The following LAMA2 variants were observed in gnomAD, a reference collection of about 807,000 sequenced individuals.
LAMA2 encodes laminin subunit alpha 2.
Under a neutral mutation model 364.8 loss-of-function variants are expected in LAMA2, and 269 were observed. The observed-to-expected ratio is 0.74, with a 90% CI of 0.67 to 0.82. The LOEUF is 0.82. Ranked by LOEUF, LAMA2 falls within the 40% of genes least tolerant of loss-of-function variation. LAMA2 has a pLI of 0.00. For synonymous variants in LAMA2, 1,379 were observed against 1,370.6 expected (o/e 1.01, Z -0.14); for missense variants, 3,807 against 3,873.2 (o/e 0.98, Z 0.45).
chr6:129,276,693 C>T (rs1188817978), intron 17 of LAMA2, among the ~76,000 whole-genome samples: 1 of 152,060 alleles, frequency 6.6e-6, no homozygotes, highest in Non-Finnish European at 1.5e-5. Flanking sequence ...TGTGAAAAAC[C>T]TCAAAGCCAA....
chr6:129,210,558 C>T (rs1219634875), intron 12 of LAMA2, among the ~76,000 whole-genome samples: 1 of 152,000 alleles, frequency 6.6e-6, no homozygotes, highest in Non-Finnish European at 1.5e-5. Context: ...CAGAATATTG[C>T]GTGAGGATTG....
chr6:129,407,210 C>A (rs1780291673), intron 40 of LAMA2, among the ~76,000 whole-genome samples: 1 of 152,036 alleles, frequency 6.6e-6, no homozygotes, highest in Admixed American at 6.6e-5. Context: ...ACAGAGACAC[C>A]CAGGAACAAT....
chr6:128,977,947 T>C (rs148459238), intron 1 of LAMA2, among the ~76,000 whole-genome samples: 1 of 152,314 alleles, frequency 6.6e-6, no homozygotes, highest in African/African-American at 2.4e-5. Context: ...ATATATACAT[T>C]CTAGCTAAGT....
At chr6:129,136,829 G>A (rs958784043) in intron 4 of LAMA2, among the ~76,000 whole-genome samples, 10 of 152,086 alleles carry the variant, frequency 6.6e-5, no homozygotes, top group Non-Finnish European at 1.5e-4. Flanking sequence ...AGGGACAATT[G>A]GAATCAAGCA....
Position 129,499,264 on chromosome 6 carries a change from ATTT to A in LAMA2, c.8245-3386_8245-3384del, listed in dbSNP as rs986303196. Among the ~76,000 whole-genome samples the A allele has an allele frequency of 3.3e-5, 5 of 149,558 alleles. No homozygotes were observed. In the East Asian group the frequency reaches 7.8e-4, roughly 23 times the overall value. ...TGATGAGCCTCTACTGAGACTGTGA[ATTT>A]TTTTTTTTATTATTATTGTTGTTTT... On this transcript the variant is annotated intron_variant, in intron 58 of 64. Coordinates refer to ENST00000421865, the MANE Select transcript of LAMA2 (RefSeq NM_000426.4).
rs191779630 is a variant in LAMA2 at position 129,481,560 on chromosome 6, G to C, written c.7749+121G>C. On this transcript the variant is annotated intron_variant, in intron 55 of 64. Coordinates refer to ENST00000421865, the MANE Select transcript of LAMA2 (RefSeq NM_000426.4). ...GCTCTCATCTTGGCTAGCAAGGACTGAACATTCCATATTTCCATGCTGGCC... is the reference window on the plus strand; with the variant it reads ...GCTCTCATCTTGGCTAGCAAGGACTCAACATTCCATATTTCCATGCTGGCC... 1.3e-4 allele frequency: 111 copies of C among 845,994 alleles called. No individual in the cohort carries two copies. In the African/African-American group the frequency reaches 1.7e-3, roughly 13 times the overall value. 52.4% of individuals were successfully genotyped at this position (845,994 alleles called of 1,614,324 possible).
intron 30 of LAMA2, among the ~76,000 whole-genome samples, chr6:129,344,134 T>G (rs555743561): frequency 1.8e-4 from 27 of 152,286 alleles, no homozygotes; most frequent in African/African-American, 6.3e-4. Flanking sequence ...GTTAATATGA[T>G]TATGGCCACA....
chr6:129,312,483 A>T (rs1215030022), intron 22 of LAMA2, among the ~76,000 whole-genome samples: 2 of 152,198 alleles, frequency 1.3e-5, no homozygotes, highest in Non-Finnish European at 2.9e-5. Context: ...TATGTCTCCA[A>T]ATAAATGTTT....
rs1227222438 is a variant in LAMA2 at position 128,934,699 on chromosome 6, G to A, written c.112+51342G>A. On this transcript the variant is annotated intron_variant, in intron 1 of 64. Transcript: ENST00000421865. ...TTTTTTGTATTTCTTAGTAGAGATG[G>A]GGTTTTGCTATGTTGGACAGGCTGG... Among the ~76,000 whole-genome samples, 4 of 152,060 alleles carry A rather than the reference G, an allele frequency of 2.6e-5. No individual in the cohort carries two copies. The East Asian group carries it at 5.8e-4, about 22-fold the overall frequency.
At chr6:129,131,099 ATAAT>A (rs754727815) in intron 4 of LAMA2, among the ~76,000 whole-genome samples, 2 of 152,232 alleles carry the variant, frequency 1.3e-5, no homozygotes, top group African/African-American at 2.4e-5. Flanking sequence ...CATATTACAA[ATAAT>A]TGAAAACAAC....
At chr6:128,967,402 G>A (rs1054560831) in intron 1 of LAMA2, among the ~76,000 whole-genome samples, 9 of 152,316 alleles carry the variant, frequency 5.9e-5, no homozygotes, top group Non-Finnish European at 5.9e-5. Context: ...TATTTATTGA[G>A]CAAAATATTT....
intron 12 of LAMA2, among the ~76,000 whole-genome samples, chr6:129,218,166 A>G (rs1307036662): frequency 6.6e-6 from 1 of 152,160 alleles, no homozygotes; most frequent in African/African-American, 2.4e-5. Context: ...GTACTCATAT[A>G]TTATCAGTCA....
intron 56 of LAMA2, among the ~76,000 whole-genome samples, chr6:129,489,641 T>C (rs1287707925): frequency 6.6e-6 from 1 of 152,144 alleles, no homozygotes; most frequent in Non-Finnish European, 1.5e-5. Context: ...GGTGAGATAT[T>C]TTAGGAGTCA....
At chr6:129,148,073 T>A (rs1778574965) in intron 6 of LAMA2, among the ~76,000 whole-genome samples, 1 of 152,102 alleles carries the variant, frequency 6.6e-6, no homozygotes, top group Admixed American at 6.6e-5. Context: ...ACAGAGTCCC[T>A]TTGTCTCACT....
rs146306110 is a variant in LAMA2, at chr6:129,172,881, G to T, written c.1307-4825G>T. 9.6e-3 allele frequency among the ~76,000 whole-genome samples: 1,463 copies of T among 152,328 alleles called. 21 individuals carry two copies. Among genetic ancestry groups the T allele is most frequent in the African/African-American group, 0.033 (1,388 of 41,570 alleles). On this transcript the variant is annotated intron_variant, in intron 9 of 64. Transcript: ENST00000421865. Reference sequence around the variant, plus strand: ...GCAGGATATAATCTCATGGTTCACCGTTTTTTAAGCCCGTCGGAAAAGCGC... The same window carrying T: ...GCAGGATATAATCTCATGGTTCACCTTTTTTTAAGCCCGTCGGAAAAGCGC...
intron 27 of LAMA2, among the ~76,000 whole-genome samples, chr6:129,319,106 T>C (rs1212494548): frequency 6.6e-6 from 1 of 152,232 alleles, no homozygotes; most frequent in African/African-American, 2.4e-5. Context: ...TAAGAAAATA[T>C]TATTTTGAAA....
chr6:129,380,378 A>G (rs1050524544), intron 34 of LAMA2, among the ~76,000 whole-genome samples: 1 of 152,164 alleles, frequency 6.6e-6, no homozygotes, highest in African/African-American at 2.4e-5. Context: ...GAGAATATTT[A>G]CTATAAGTTA....
At chr6:129,298,845 T>C (rs891789473) in intron 21 of LAMA2, among the ~76,000 whole-genome samples, 13 of 151,490 alleles carry the variant, frequency 8.6e-5, no homozygotes, top group African/African-American at 2.9e-4. Flanking sequence ...TTCTAATTGA[T>C]AAGTTATTCT....
intron 3 of LAMA2, among the ~76,000 whole-genome samples, chr6:129,072,944 ATTTT>A (rs1441369745): frequency 6.6e-6 from 1 of 151,986 alleles, no homozygotes; most frequent in Non-Finnish European, 1.5e-5. Context: ...TTTTTTGTTT[ATTTT>A]TTGTTAGTAT....
Sources: allele counts gnomAD v4.1 joint callset (sites outside exome capture counted in the v4.1 genomes callset), GRCh38; gene constraint gnomAD v4.1.1; transcripts MANE v1.5; gene names NCBI Gene and HGNC (gene_info 2026-07-23, HGNC 2026-07-21).